The following KIF1A variants were observed in gnomAD, a reference collection of about 807,000 sequenced individuals.
KIF1A encodes the protein kinesin-like protein KIF1A.
KIF1A carries 46 observed loss-of-function variants against 227.3 expected under a neutral mutation model. That is an observed-to-expected ratio of 0.20 (90% CI 0.16 to 0.26). The LOEUF (loss-of-function observed/expected upper bound fraction) is 0.26. KIF1A is among the 10% of genes least tolerant of loss of function. KIF1A has a pLI of 1.00. For synonymous variants in KIF1A, 1,022 were observed against 1,012.8 expected (o/e 1.01, Z -0.17); for missense variants, 1,683 against 2,485.9 (o/e 0.68, Z 6.87).
rs1213587716 is a variant in KIF1A, at chr2:240,725,895, G to C, written c.4123-491C>G. The C allele has an allele frequency of 1.9e-5, 3 of 155,562 alleles. No individual in the cohort carries two copies. The highest frequency in any genetic ancestry group is 4.3e-5 in the Non-Finnish European group (3 of 70,262). The allele number at this position is 155,562 out of a possible 1,614,324, so 9.6% of individuals were successfully genotyped here. On this transcript the variant is annotated intron_variant, in intron 39 of 48. Transcript: ENST00000498729. This position sits in a 1 kb window ranked among gnomAD's most constrained non-coding sequence, Gnocchi z 5.8. ...GGGGCAGCTGCTGTGCATGGCTGAA[G>C]AGTCCCAAGCACTCGCTGGGAAGAG...
In KIF1A at chr2:240,762,624, T is replaced by C. The variant is rs1190791054; in HGVS notation, c.2116+95A>G. On this transcript the variant is annotated intron_variant, in intron 23 of 48. Coordinates refer to ENST00000498729, the MANE Select transcript of KIF1A (RefSeq NM_001244008.2). ...ACAGGTCCAGACCCCAGGGCAAAAG[T>C]GCTGACCAGTGACCTCCAGGGAGAG... 2.2e-6 allele frequency: 3 copies of C among 1,393,844 alleles called. No homozygotes were observed. The Admixed American group carries it at 8.5e-5, about 39-fold the overall frequency. 86.3% of individuals were successfully genotyped at this position (1,393,844 alleles called of 1,614,324 possible). A position where few individuals can be genotyped will look rare whatever the true frequency, so the allele number is the denominator to read the frequency against.
At chr2:240,724,947 G>GACC in intron 40 of KIF1A, 1 of 185,410 alleles carries the variant, frequency 5.4e-6, no homozygotes, top group Non-Finnish European at 1.1e-5. Context: ...GGGGGGGGGG[G>GACC]GGGGAACGGT....
intron 37 of KIF1A, among the ~76,000 whole-genome samples, chr2:240,738,457 G>A (rs544360137): frequency 3.9e-5 from 6 of 152,226 alleles, no homozygotes; most frequent in Non-Finnish European, 8.8e-5. Flanking sequence ...GCCCTCTTGG[G>A]AGGGATGCTG....
intron 34 of KIF1A, 59 bp from the exon 35 acceptor site, chr2:240,741,436 G>A (rs1396355067): frequency 1.5e-6 from 2 of 1,329,244 alleles, no homozygotes; most frequent in African/African-American, 2.9e-5. Context: ...ACGTGCCAAG[G>A]GCACACTCAA....
rs1287834415 is a variant in KIF1A, at chr2:240,792,024, C to T, written c.107-2712G>A. Among the ~76,000 whole-genome samples the T allele has an allele frequency of 2.0e-5, 3 of 151,408 alleles. No individual in the cohort carries two copies. The highest frequency in any genetic ancestry group is 6.6e-5 in the Admixed American group (1 of 15,242). On this transcript the variant is annotated intron_variant, in intron 2 of 48. Transcript: ENST00000498729. This position sits in a 1 kb window ranked among gnomAD's most constrained non-coding sequence, Gnocchi z 4.5. ...GGAGCCCCACCCCACCCTGGCCCTG[C>T]CACCCCTCCCACACCCTGTGCTGTG...
intron 38 of KIF1A, among the ~76,000 whole-genome samples, chr2:240,735,532 G>C (rs561212112): frequency 1.4e-4 from 21 of 152,282 alleles, no homozygotes; most frequent in Admixed American, 1.2e-3. Context: ...CTGGGCTGAG[G>C]GGGGTCAGAG....
At chr2:240,723,706 G>A (rs531708655) in intron 41 of KIF1A, 148 bp from the exon 42 acceptor site, 162 of 994,468 alleles carry the variant, frequency 1.6e-4, no homozygotes, top group Admixed American at 2.3e-4. Flanking sequence ...GGGGCCCAAA[G>A]AGCCATGTAG....
At chr2:240,759,755 C>T (rs1405297926) in intron 25 of KIF1A, among the ~76,000 whole-genome samples, 2 of 152,166 alleles carry the variant, frequency 1.3e-5, no homozygotes, top group African/African-American at 2.4e-5. Flanking sequence ...ACCTATAACG[C>T]TAGTACTTTG....
chr2:240,779,016 ACAGTTCCACACT>A (rs529860226), intron 10 of KIF1A, among the ~76,000 whole-genome samples: 37 of 152,054 alleles, frequency 2.4e-4, no homozygotes, highest in East Asian at 7.7e-4. Context: ...CCAGTTCCAC[ACAGTTCCACACT>A]CAGTTCCACA....
rs748516266 is a variant in KIF1A at position 240,769,655 on chromosome 2, G to A, written c.1393C>T (p.Arg465Trp). ...ELNETWEEKL[R>W]RTEAIRMERE... ...TCCATCCGGATGGCTTCTGTCCGCCGCAGCTTCTCCTCCCAGGTCTCATTG... is the reference window on the plus strand; with the variant it reads ...TCCATCCGGATGGCTTCTGTCCGCCACAGCTTCTCCTCCCAGGTCTCATTG... The change falls in exon 16 of 49, where the codon CGG becomes TGG. Residue 465 changes from arginine to tryptophan, a missense_variant. Coordinates refer to ENST00000498729, the MANE Select transcript of KIF1A (RefSeq NM_001244008.2). 6 of 1,613,348 alleles carry A rather than the reference G, an allele frequency of 3.7e-6. No individual in the cohort carries two copies. Among genetic ancestry groups the A allele is most frequent in the Middle Eastern group, 1.7e-4 (1 of 6,060 alleles).
At position 240,775,104 on chromosome 2, in the gene KIF1A, T is replaced by C. The variant is rs912473428; in HGVS notation, c.958+747A>G. Among the ~76,000 whole-genome samples, 20 of 152,160 alleles carry C rather than the reference T, an allele frequency of 1.3e-4. No individual in the cohort carries two copies. Among genetic ancestry groups the C allele is most frequent in the African/African-American group, 4.8e-4 (20 of 41,448 alleles). On this transcript the variant is annotated intron_variant, in intron 11 of 48. Coordinates refer to ENST00000498729, the MANE Select transcript of KIF1A (RefSeq NM_001244008.2). This position sits in a 1 kb window ranked among gnomAD's most constrained non-coding sequence, Gnocchi z 5.5. ...ACGTCTCAGGTGAAGGAACACACTC[T>C]CCTCCTCTCTCAGCGGGGCCCATCC...
At chr2:240,733,418 C>T (rs1368822828) in intron 38 of KIF1A, among the ~76,000 whole-genome samples, 2 of 152,174 alleles carry the variant, frequency 1.3e-5, no homozygotes, top group Non-Finnish European at 2.9e-5. Flanking sequence ...GCCGTGCTCC[C>T]TCCTCAGCCC....
chr2:240,736,514 A>C lies in KIF1A; in HGVS notation c.4007+549T>G, dbSNP rs1191212181. Reference sequence around the variant, plus strand: ...GCAGACCCCGATAGGGCTGCCACAGACATCCCAGAGCGCCAAAACCCCAGC... The same window carrying C: ...GCAGACCCCGATAGGGCTGCCACAGCCATCCCAGAGCGCCAAAACCCCAGC... On this transcript the variant is annotated intron_variant, in intron 38 of 48. Transcript: ENST00000498729. The surrounding 1 kb of genome is among the most constrained non-coding windows in gnomAD (Gnocchi z 4.7). Among the ~76,000 whole-genome samples, 2 of 152,152 alleles carry C rather than the reference A, an allele frequency of 1.3e-5. No individual in the cohort carries two copies. Among genetic ancestry groups the C allele is most frequent in the African/African-American group, 2.4e-5 (1 of 41,428 alleles).
In KIF1A at chr2:240,801,258, G is replaced by T. The variant is rs114224492; in HGVS notation, c.-60-3446C>A. 7.5e-3 allele frequency among the ~76,000 whole-genome samples: 1,132 copies of T among 151,820 alleles called. 9 individuals are homozygous for T. Among genetic ancestry groups the T allele is most frequent in the African/African-American group, 0.022 (921 of 41,402 alleles). On this transcript the variant is annotated intron_variant, in intron 1 of 48. Transcript: ENST00000498729. Reference sequence around the variant, plus strand: ...ATATATTCAAAATAAGAGCAAAAAGGACAGAGAATATAAATGGAAAATGGA... The same window carrying T: ...ATATATTCAAAATAAGAGCAAAAAGTACAGAGAATATAAATGGAAAATGGA...
In KIF1A at chr2:240,725,714, A is replaced by C; in HGVS notation, c.4123-310T>G. Reference sequence around the variant, plus strand: ...CGGGCCTCAGCTGCCTCACCATAAAATTGGGGTGACCCCTCCCCGACCCTG... The same window carrying C: ...CGGGCCTCAGCTGCCTCACCATAAACTTGGGGTGACCCCTCCCCGACCCTG... On this transcript the variant is annotated intron_variant, in intron 39 of 48. Coordinates refer to ENST00000498729, the MANE Select transcript of KIF1A (RefSeq NM_001244008.2). This position sits in a 1 kb window ranked among gnomAD's most constrained non-coding sequence, Gnocchi z 5.8. The C allele has an allele frequency of 6.4e-6, 2 of 313,452 alleles. No individual in the cohort carries two copies. Among genetic ancestry groups the C allele is most frequent in the Admixed American group, 4.8e-5 (1 of 20,920 alleles). 19.4% of individuals were successfully genotyped at this position (313,452 alleles called of 1,614,324 possible).
At chr2:240,787,089 G>A (rs1174947921) in intron 5 of KIF1A, among the ~76,000 whole-genome samples, 162 bp downstream of exon 5, 2 of 152,192 alleles carry the variant, frequency 1.3e-5, no homozygotes, top group Non-Finnish European at 2.9e-5. Context: ...GGGGTCTCGA[G>A]CCCTGCCCAG....
chr2:240,816,489 A>G (rs1008039189), intron 1 of KIF1A, among the ~76,000 whole-genome samples: 1 of 152,042 alleles, frequency 6.6e-6, no homozygotes, highest in South Asian at 2.1e-4. Flanking sequence ...AAGCACGAGG[A>G]TGCCTGGAGA....
intron 9 of KIF1A, 41 bp downstream of exon 9, chr2:240,783,003 C>T: frequency 6.6e-7 from 1 of 1,526,210 alleles, no homozygotes; most frequent in Non-Finnish European, 9.1e-7. Context: ...GCCAAAGACC[C>T]TCTGGGGTTC....
intron 38 of KIF1A, among the ~76,000 whole-genome samples, chr2:240,733,103 C>A (rs540828221): frequency 2.0e-5 from 3 of 151,858 alleles, no homozygotes; most frequent in Non-Finnish European, 4.4e-5. Flanking sequence ...ACAGACTTTT[C>A]CTGATTTTGC....
Sources: allele counts gnomAD v4.1 joint callset (sites outside exome capture counted in the v4.1 genomes callset), GRCh38; gene constraint gnomAD v4.1.1; non-coding constraint Gnocchi (gnomAD v3.1); transcripts MANE v1.5; gene names NCBI Gene and HGNC (gene_info 2026-07-23, HGNC 2026-07-21).